Variants in ITSN2 observed in about 807,000 individuals in gnomAD.
The protein encoded by ITSN2 is intersectin 2.
In ITSN2, 156 loss-of-function variants were observed where a neutral mutation model predicts 243.7. That is an observed-to-expected ratio of 0.64 (90% confidence interval 0.56 to 0.73). The LOEUF is 0.73. ITSN2 is among the 30% of genes least tolerant of loss of function. ITSN2 has a pLI of 0.00. For missense variants in ITSN2, 1,801 were observed against 1,996.1 expected (o/e 0.90, Z 1.86); for synonymous variants, 703 against 699.9 (o/e 1.00, Z -0.07).
At chr2:24,292,513 G>A (rs1275848548) in intron 15 of ITSN2, among the ~76,000 whole-genome samples, 4 of 152,160 alleles carry the variant, frequency 2.6e-5, no homozygotes, top group Admixed American at 1.3e-4. Context: ...GAAGGCAGGA[G>A]ACACAATAAA....
chr2:24,291,485 CTT>C (rs1258177956), intron 15 of ITSN2, among the ~76,000 whole-genome samples: 14 of 125,338 alleles, frequency 1.1e-4, no homozygotes, highest in Admixed American at 2.1e-4. Flanking sequence ...ATTTCTTCTT[CTT>C]CCTTTTTTTT....
At chr2:24,309,796 T>C (rs891473311) in intron 7 of ITSN2, among the ~76,000 whole-genome samples, 1 of 152,190 alleles carries the variant, frequency 6.6e-6, no homozygotes, top group African/African-American at 2.4e-5. Context: ...ATGAATGTTG[T>C]TCTTCTGGGT....
chr2:24,246,018 A>G, intron 29 of ITSN2, 111 bp downstream of exon 29: 1 of 662,114 alleles, frequency 1.5e-6, no homozygotes, highest in East Asian at 2.9e-5. Flanking sequence ...ACACTAATCT[A>G]CATTTGCTGT....
intron 22 of ITSN2, among the ~76,000 whole-genome samples, chr2:24,260,513 T>A (rs1675695894): frequency 6.7e-6 from 1 of 150,364 alleles, no homozygotes; most frequent in Non-Finnish European, 1.5e-5. Flanking sequence ...CTTATTATAA[T>A]AACTACAAAT....
At chr2:24,337,262 C>T (rs1421927503) in intron 1 of ITSN2, among the ~76,000 whole-genome samples, 4 of 87,724 alleles carry the variant, frequency 4.6e-5, no homozygotes, top group East Asian at 3.3e-4. Flanking sequence ...TTCCTGCAGG[C>T]GTGTGTGTCT....
intron 10 of ITSN2, 43 bp from the exon 11 acceptor site, chr2:24,301,282 C>A: frequency 8.6e-7 from 1 of 1,169,550 alleles, no homozygotes; most frequent in Non-Finnish European, 1.3e-6. Flanking sequence ...GTAGTCTGGA[C>A]ATTTTCAGAC....
Position 24,204,440 on chromosome 2 carries a change from A to T in ITSN2, c.4763-22T>A. On this transcript the variant is annotated intron_variant, in intron 38 of 39. Transcript: ENST00000355123. This position sits in a 1 kb window ranked among gnomAD's most constrained non-coding sequence, Gnocchi z 5.1. ...TTTCCTGAACAAAAACAAACCACAG[A>T]CACATGTGGTGCATGCAGGTAAAAC... The T allele has an allele frequency of 6.2e-7, 1 of 1,607,674 alleles. No individual in the cohort carries two copies. Among genetic ancestry groups the T allele is most frequent in the Non-Finnish European group, 8.5e-7 (1 of 1,174,128 alleles).
Position 24,326,193 on chromosome 2 carries a change from A to T in ITSN2, c.31+1859T>A, listed in dbSNP as rs189535510. On this transcript the variant is annotated intron_variant, in intron 2 of 39. Transcript: ENST00000355123. Reference sequence around the variant, plus strand: ...TATGCAATTAATTCTTCAGAAGTTTAAAAAAAATTACTATCTGTATGCCTA... The same window carrying T: ...TATGCAATTAATTCTTCAGAAGTTTTAAAAAAATTACTATCTGTATGCCTA... Among the ~76,000 whole-genome samples, 1,401 of 152,174 alleles carry T rather than the reference A, an allele frequency of 9.2e-3. 17 individuals are homozygous for T. Among genetic ancestry groups the T allele is most frequent in the African/African-American group, 0.032 (1,346 of 41,528 alleles).
chr2:24,328,467 CTT>C (rs956515489), intron 1 of ITSN2, among the ~76,000 whole-genome samples: 7 of 144,456 alleles, frequency 4.8e-5, no homozygotes, highest in Admixed American at 1.4e-4. Context: ...GAAATCCATA[CTT>C]TTTTTTTTTT....
chr2:24,279,409 C>G (rs1204939205), intron 17 of ITSN2, among the ~76,000 whole-genome samples: 3 of 152,190 alleles, frequency 2.0e-5, no homozygotes, highest in African/African-American at 7.2e-5. Flanking sequence ...TTTGGAGATT[C>G]TGACAACCCC....
In ITSN2 at chr2:24,295,672, C is replaced by T. The variant is rs1680868913; in HGVS notation, c.1627G>A (p.Glu543Lys). 1.3e-6 allele frequency: 2 copies of T among 1,533,454 alleles called. No individual in the cohort carries two copies. Among genetic ancestry groups the T allele is most frequent in the Admixed American group, 4.9e-5 (2 of 41,086 alleles). 95.0% of individuals were successfully genotyped at this position (1,533,454 alleles called of 1,614,324 possible). Residue 543 changes from glutamate to lysine, a missense_variant, in exon 14 of 40, where the codon GAA (glutamate) becomes AAA (lysine). Glu to Lys is a moderately conservative substitution (Grantham distance 56, BLOSUM62 1). Coordinates refer to ENST00000355123, the MANE Select transcript of ITSN2 (RefSeq NM_006277.3). ...AGCAGTGAAGGACTTACCTGAAGTT[C>T]CTGTTGAAGTTGCTTGATTTCCATA... ...EIMEIKQLQQ[E>K]LQEYQNKLIY... is the part of the protein sequence containing the mutation.
intron 1 of ITSN2, among the ~76,000 whole-genome samples, chr2:24,343,089 T>TAA (rs1687196575): frequency 8.2e-6 from 1 of 122,070 alleles, no homozygotes; most frequent in Admixed American, 8.8e-5. Flanking sequence ...AGACCCCATC[T>TAA]CAAAAAAAAA....
At chr2:24,342,669 C>T (rs556963956) in intron 1 of ITSN2, among the ~76,000 whole-genome samples, 4 of 151,638 alleles carry the variant, frequency 2.6e-5, no homozygotes, top group East Asian at 1.9e-4. Flanking sequence ...TCAGCTTAGG[C>T]CCTACACATC....
intron 5 of ITSN2, 45 bp downstream of exon 5, chr2:24,312,167 A>C (rs1292806461): frequency 1.4e-6 from 2 of 1,450,472 alleles, no homozygotes; most frequent in Non-Finnish European, 9.3e-7. Flanking sequence ...CCTAGGGATA[A>C]AGTTTAAGTA....
chr2:24,269,928 C>G (rs1053317054), intron 20 of ITSN2, among the ~76,000 whole-genome samples: 3 of 152,186 alleles, frequency 2.0e-5, no homozygotes, highest in African/African-American at 7.2e-5. Context: ...TCCGGTACTA[C>G]TAATAGCGGC....
At chr2:24,208,538 C>T (rs531644789) in intron 36 of ITSN2, among the ~76,000 whole-genome samples, 7 of 152,320 alleles carry the variant, frequency 4.6e-5, no homozygotes, top group East Asian at 3.9e-4. Flanking sequence ...GCCAGGCACT[C>T]GCAAGGCGCT....
rs141655958 is a variant in ITSN2, at chr2:24,298,692, C to A, written c.1467G>T (p.Lys489Asn). ...EEIVRLNSKK[K>N]NLHLELEALN... is the part of the protein sequence containing the mutation. ...GTGCTTCCAACTCAAGATGAAGATT[C>A]TTCTTTTTAGAGTTTAACCTGACAA... Residue 489 changes from lysine (K) to asparagine (N), a missense_variant, in exon 13 of 40, where the codon AAG becomes AAT. Physicochemically the swap from Lys to Asn is moderately conservative, Grantham distance 94. This residue lies in a region of ITSN2 where 787 missense variants were observed against 803.9 expected (regional missense o/e 0.98). Coordinates refer to ENST00000355123, the MANE Select transcript of ITSN2 (RefSeq NM_006277.3). 6 of 1,602,606 alleles carry A rather than the reference C, an allele frequency of 3.7e-6. No individual in the cohort carries two copies. The South Asian group carries it at 5.7e-5, about 15-fold the overall frequency.
In ITSN2 at chr2:24,205,226, AG is replaced by A; in HGVS notation, c.4749del (p.Cys1584AlafsTer85). ...VHVIEATELKACKPNGKSNPY... is the reference protein window; with the variant it reads ...VHVIEATELKXCKPNGKSNPY... ...AGGCAGTATTTACCATTTGGTTTGCAGGCTTTTAATTCTGTAGCTTCAATGA... is the reference window on the plus strand; with the variant it reads ...AGGCAGTATTTACCATTTGGTTTGCAGCTTTTAATTCTGTAGCTTCAATGA... On this transcript the variant is annotated frameshift_variant, in exon 38 of 40. Coordinates refer to ENST00000355123, the MANE Select transcript of ITSN2 (RefSeq NM_006277.3). LOFTEE classifies it high-confidence loss of function. 1 of 1,613,792 alleles carries A rather than the reference AG, an allele frequency of 6.2e-7. No individual in the cohort carries two copies. Among genetic ancestry groups the A allele is most frequent in the Non-Finnish European group, 8.5e-7 (1 of 1,179,718 alleles).
chr2:24,332,805 T>C (rs1452403002), intron 1 of ITSN2, among the ~76,000 whole-genome samples: 4 of 152,198 alleles, frequency 2.6e-5, no homozygotes, highest in East Asian at 3.8e-4. Context: ...AAAAACTTTG[T>C]TTTACATTTT....
Sources: gnomAD v4.1 joint callset for allele counts (sites outside exome capture counted in the v4.1 genomes callset) on GRCh38, gnomAD v4.1.1 for gene constraint, gnomAD v4.1.1 regional missense constraint, Gnocchi (gnomAD v3.1) non-coding constraint, MANE v1.5 for transcripts, NCBI Gene and HGNC (gene_info 2026-07-23, HGNC 2026-07-21) for gene names.